The following CPA6 variants were observed in gnomAD, a reference collection of about 807,000 sequenced individuals.
CPA6 encodes carboxypeptidase A6, also known as carboxypeptidase B.
CPA6 carries 58 observed loss-of-function variants against 63.3 expected under a neutral mutation model. The observed-to-expected ratio is 0.92, with a 90% CI of 0.74 to 1.14. The LOEUF (loss-of-function observed/expected upper bound fraction) is 1.14. Among genes scored for constraint, CPA6 ranks in the 50% most tolerant of loss-of-function variants. The pLI is 0.00. For missense variants in CPA6, 565 were observed against 526.6 expected, an observed-to-expected ratio of 1.07 and a Z score of -0.71; for synonymous variants, 185 against 179.0, an observed-to-expected ratio of 1.03 and a Z score of -0.27.
rs1812164560 is a variant in CPA6 at position 67,517,253 on chromosome 8, G to C, written c.317+670C>G. 2.0e-5 allele frequency among the ~76,000 whole-genome samples: 3 copies of C among 152,094 alleles called. No individual in the cohort carries two copies. The South Asian group carries it at 6.2e-4, about 32-fold the overall frequency. On this transcript the variant is annotated intron_variant, in intron 3 of 10. Coordinates refer to ENST00000297770, the MANE Select transcript of CPA6 (RefSeq NM_020361.5). The stretch of plus-strand genomic sequence containing the variant: ...TTTACTACTTACTGTCCAACATGAG[G>C]AGAGTCTGCTCTGAAATATTTTTTT...
chr8:67,500,257 G>A (rs910558143), intron 6 of CPA6, among the ~76,000 whole-genome samples: 3 of 152,142 alleles, frequency 2.0e-5, no homozygotes, highest in African/African-American at 7.2e-5. Context: ...AGATAGGTGT[G>A]CAGTGATAGC....
At position 67,572,339 on chromosome 8, in the gene CPA6, G is replaced by A. The variant is rs144550195; in HGVS notation, c.192+51837C>T. 3.4e-3 allele frequency among the ~76,000 whole-genome samples: 517 copies of A among 152,270 alleles called. 3 individuals carry two copies. Among genetic ancestry groups the A allele is most frequent in the African/African-American group, 0.012 (481 of 41,556 alleles). ...GATTCCTCATGAATGGCTTGGTGCC[G>A]TTCTCCTAGTAGTAAGTTCTTGCTT... On this transcript the variant is annotated intron_variant, in intron 2 of 10. Coordinates refer to ENST00000297770, the MANE Select transcript of CPA6 (RefSeq NM_020361.5).
chr8:67,590,502 A>T lies in CPA6; in HGVS notation c.192+33674T>A, dbSNP rs1487531046. Among the ~76,000 whole-genome samples the T allele has an allele frequency of 7.3e-5, 11 of 151,150 alleles. No homozygotes were observed. The East Asian group carries it at 2.1e-3, about 29-fold the overall frequency. On this transcript the variant is annotated intron_variant, in intron 2 of 10. Transcript: ENST00000297770. ...AATGGTTGAACTAGTTTACGGTCCCACCAACAGTGTAAAAGTGTTCCTATT... is the reference window on the plus strand; with the variant it reads ...AATGGTTGAACTAGTTTACGGTCCCTCCAACAGTGTAAAAGTGTTCCTATT...
chr8:67,489,010 G>A (rs969645662), intron 6 of CPA6, among the ~76,000 whole-genome samples: 3 of 152,140 alleles, frequency 2.0e-5, no homozygotes, highest in Non-Finnish European at 4.4e-5. Flanking sequence ...GGGACAATTC[G>A]ACTTCCTCAT....
intron 1 of CPA6, among the ~76,000 whole-genome samples, chr8:67,653,511 A>G (rs1815900137): frequency 6.6e-6 from 1 of 151,556 alleles, no homozygotes; most frequent in Admixed American, 6.6e-5. Context: ...GCAATTGTGA[A>G]TGGGAGTTCA....
chr8:67,675,479 ACT>A (rs2128995103), intron 1 of CPA6, among the ~76,000 whole-genome samples: 1 of 151,572 alleles, frequency 6.6e-6, no homozygotes. Context: ...ATTTCTTACC[ACT>A]CTGGTACCTT....
At chr8:67,437,041 C>G (rs551359049) in intron 8 of CPA6, among the ~76,000 whole-genome samples, 1 of 152,270 alleles carries the variant, frequency 6.6e-6, no homozygotes, top group East Asian at 1.9e-4. Context: ...TTCTTTGAAT[C>G]TCATCCTGGA....
intron 2 of CPA6, among the ~76,000 whole-genome samples, chr8:67,607,570 T>G (rs181003934): frequency 1.3e-5 from 2 of 152,068 alleles, no homozygotes; most frequent in African/African-American, 4.8e-5. Context: ...TATTTCTTCT[T>G]GACTTCAGCT....
At chr8:67,681,326 C>T (rs1816593015) in intron 1 of CPA6, among the ~76,000 whole-genome samples, 1 of 148,724 alleles carries the variant, frequency 6.7e-6, no homozygotes, top group Non-Finnish European at 1.5e-5. Context: ...TCTCCTGCCT[C>T]AGCCTCCCGA....
chr8:67,445,624 G>A (rs1441556243), intron 8 of CPA6, among the ~76,000 whole-genome samples: 3 of 151,946 alleles, frequency 2.0e-5, no homozygotes, highest in Admixed American at 6.6e-5. Flanking sequence ...TTAAAATAAG[G>A]ATGAGAAAGA....
chr8:67,462,071 A>G (rs1482065043), intron 8 of CPA6, among the ~76,000 whole-genome samples: 1 of 152,042 alleles, frequency 6.6e-6, no homozygotes, highest in Non-Finnish European at 1.5e-5. Context: ...CAATGGACAT[A>G]CATGGGATGC....
At chr8:67,715,542 C>A (rs1302238779) in intron 1 of CPA6, among the ~76,000 whole-genome samples, 2 of 152,164 alleles carry the variant, frequency 1.3e-5, no homozygotes, top group Non-Finnish European at 2.9e-5. Flanking sequence ...TAGTGATAAA[C>A]CAAGTTGGTT....
chr8:67,550,801 A>AT (rs1749327425), intron 2 of CPA6, among the ~76,000 whole-genome samples: 2 of 151,888 alleles, frequency 1.3e-5, no homozygotes, highest in Admixed American at 1.3e-4. Flanking sequence ...GATGTGGAGC[A>AT]TTTTTTCACG....
chr8:67,659,431 TA>T (rs1158250630), intron 1 of CPA6, among the ~76,000 whole-genome samples: 1 of 152,248 alleles, frequency 6.6e-6, no homozygotes, highest in African/African-American at 2.4e-5. Context: ...TTATTTGAGT[TA>T]AAATTAGCTA....
chr8:67,682,160 A>G (rs1816613189), intron 1 of CPA6, among the ~76,000 whole-genome samples: 1 of 151,976 alleles, frequency 6.6e-6, no homozygotes, highest in Admixed American at 6.6e-5. Context: ...TGAACTTGTT[A>G]GATCTGTGGC....
chr8:67,554,508 T>C (rs1813016741), intron 2 of CPA6, among the ~76,000 whole-genome samples: 1 of 152,176 alleles, frequency 6.6e-6, no homozygotes, highest in Non-Finnish European at 1.5e-5. Flanking sequence ...TACTGGGGAT[T>C]AAAATTCAAC....
intron 6 of CPA6, among the ~76,000 whole-genome samples, chr8:67,503,677 A>G (rs1465860796): frequency 1.3e-5 from 2 of 152,114 alleles, no homozygotes; most frequent in African/African-American, 4.8e-5. Context: ...TAATAGTAAT[A>G]ATAATTGATT....
chr8:67,583,177 T>A (rs1282327287), intron 2 of CPA6, among the ~76,000 whole-genome samples: 1 of 152,072 alleles, frequency 6.6e-6, no homozygotes, highest in East Asian at 1.9e-4. Flanking sequence ...GGTAGTTGCG[T>A]GAAGATTCTG....
At chr8:67,470,538 T>C (rs185228270) in intron 8 of CPA6, among the ~76,000 whole-genome samples, 2 of 152,342 alleles carry the variant, frequency 1.3e-5, no homozygotes, top group Admixed American at 1.3e-4. Flanking sequence ...TTTTCATGAA[T>C]TGAGACTCTA....
Sources: gnomAD v4.1 joint callset for allele counts (sites outside exome capture counted in the v4.1 genomes callset) on GRCh38, gnomAD v4.1.1 for gene constraint, MANE v1.5 for transcripts, NCBI Gene and HGNC (gene_info 2026-07-23, HGNC 2026-07-21) for gene names.